Variants in TOX observed in about 807,000 individuals in gnomAD.
The protein encoded by TOX is thymocyte selection associated high mobility group box.
A neutral mutation model predicts 53.7 loss-of-function variants in TOX; 11 were observed. That is an observed-to-expected ratio of 0.20 (90% CI 0.13 to 0.34). The LOEUF (loss-of-function observed/expected upper bound fraction) is 0.34. Among genes scored for constraint, TOX ranks in the 10% least tolerant of loss-of-function variants. The pLI, the probability that TOX is intolerant of heterozygous loss-of-function variation, is 1.00. For synonymous variants in TOX, 225 were observed against 245.3 expected, an observed-to-expected ratio of 0.92 and a Z score of 0.77; for missense variants, 570 against 664.6, an observed-to-expected ratio of 0.86 and a Z score of 1.56.
intron 1 of TOX, among the ~76,000 whole-genome samples, chr8:59,070,863 G>C (rs899628026): frequency 6.6e-6 from 1 of 152,210 alleles, no homozygotes; most frequent in Non-Finnish European, 1.5e-5. Context: ...AGGGGAATGA[G>C]AGGTGGCTGA....
At chr8:58,896,157 C>T (rs563507927) in intron 3 of TOX, among the ~76,000 whole-genome samples, 7 of 152,266 alleles carry the variant, frequency 4.6e-5, no homozygotes, top group African/African-American at 1.7e-4. Flanking sequence ...GGGATAAAAT[C>T]TTCCAGTCCT....
intron 1 of TOX, among the ~76,000 whole-genome samples, chr8:58,998,622 T>TAAATTTATGTAATAAATTTATATAAA (rs1563413723): frequency 4.4e-4 from 6 of 13,722 alleles, no homozygotes; most frequent in African/African-American, 9.2e-4. Context: ...ATTTATATAA[T>TAAATTTATGTAATAAATTTATATAAA]AATATATTTT....
chr8:58,879,071 A>C, intron 3 of TOX, among the ~76,000 whole-genome samples: 1 of 151,750 alleles, frequency 6.6e-6, no homozygotes, highest in East Asian at 1.9e-4. Flanking sequence ...AAAAAAAAAA[A>C]AACAAAAAAA....
At chr8:59,114,833 T>C (rs407261) in intron 1 of TOX, among the ~76,000 whole-genome samples, 22,795 of 152,162 alleles carry the variant, frequency 0.15, 2,250 homozygotes, top group African/African-American at 0.28. Flanking sequence ...CATTAAAGTA[T>C]AATACATAAT....
chr8:58,887,261 G>A (rs11779544), intron 3 of TOX, among the ~76,000 whole-genome samples: 14,781 of 151,726 alleles, frequency 0.097, 1,090 homozygotes, highest in African/African-American at 0.2. Context: ...CTGTTCTTTA[G>A]TTTTATTTTT....
At chr8:59,056,757 C>A (rs917985619) in intron 1 of TOX, among the ~76,000 whole-genome samples, 16 of 152,198 alleles carry the variant, frequency 1.1e-4, no homozygotes, top group Non-Finnish European at 2.1e-4. Context: ...AAAAAACCAA[C>A]TGTGCATGCT....
chr8:59,009,459 G>A (rs1400204071), intron 1 of TOX, among the ~76,000 whole-genome samples: 5 of 151,614 alleles, frequency 3.3e-5, no homozygotes, highest in African/African-American at 7.3e-5. Context: ...TGCAACCTCC[G>A]CCTCCCGGGT....
intron 3 of TOX, among the ~76,000 whole-genome samples, chr8:58,910,046 A>G (rs190635571): frequency 2.0e-3 from 306 of 152,276 alleles, no homozygotes; most frequent in African/African-American, 6.8e-3. Context: ...GGAGGTGGGG[A>G]AAATTGACCC....
chr8:59,055,232 G>C (rs1452076504), intron 1 of TOX, among the ~76,000 whole-genome samples: 1 of 152,100 alleles, frequency 6.6e-6, no homozygotes, highest in Non-Finnish European at 1.5e-5. Context: ...AGGCCCCAGG[G>C]GACAAGCACT....
intron 2 of TOX, among the ~76,000 whole-genome samples, chr8:58,946,017 T>C (rs894641116): frequency 6.6e-6 from 1 of 152,164 alleles, no homozygotes; most frequent in Non-Finnish European, 1.5e-5. Flanking sequence ...CAATCATGCA[T>C]ACACTAAAAA....
intron 1 of TOX, among the ~76,000 whole-genome samples, chr8:59,007,761 T>G (rs541170348): frequency 1.9e-4 from 29 of 152,346 alleles, no homozygotes; most frequent in African/African-American, 7.0e-4. Context: ...TTATATCATA[T>G]GCTGGTGTTA....
At chr8:58,812,837 G>A (rs1179315582) in intron 7 of TOX, among the ~76,000 whole-genome samples, 1 of 152,218 alleles carries the variant, frequency 6.6e-6, no homozygotes, top group African/African-American at 2.4e-5. Context: ...CCAAGGAATT[G>A]AAATTGAAAT....
intron 1 of TOX, among the ~76,000 whole-genome samples, chr8:58,973,225 G>A (rs534682104): frequency 1.3e-5 from 2 of 152,208 alleles, no homozygotes; most frequent in Admixed American, 1.3e-4. Context: ...AATATGCCAC[G>A]TCTAATATTT....
chr8:58,851,145 CCTCTCTCTCTCTGTCTCT>C lies in TOX; in HGVS notation c.693+361_693+378del, dbSNP rs1396084646. ...CATGTAACATCATCACCATACATCT[CCTCTCTCTCTCTGTCTCT>C]CTCTCTCTCTCTCTCTCTCTCTCAC... On this transcript the variant is annotated intron_variant, in intron 4 of 8. Transcript: ENST00000361421. The surrounding 1 kb of genome is among the most constrained non-coding windows in gnomAD (Gnocchi z 4.4). 1.7e-5 allele frequency among the ~76,000 whole-genome samples: 2 copies of C among 118,244 alleles called. No individual in the cohort carries two copies. Among genetic ancestry groups the C allele is most frequent in the Non-Finnish European group, 3.7e-5 (2 of 53,824 alleles). The allele number at this position is 118,244 out of a possible 152,430, so 77.6% of individuals were successfully genotyped here. A position where few individuals can be genotyped will look rare whatever the true frequency, so the allele number is the denominator to read the frequency against.
intron 1 of TOX, among the ~76,000 whole-genome samples, chr8:59,063,018 G>A (rs1476184407): frequency 6.6e-6 from 1 of 151,948 alleles, no homozygotes; most frequent in Admixed American, 6.6e-5. Flanking sequence ...TTTTTTTATT[G>A]CCTATGTTTT....
intron 1 of TOX, among the ~76,000 whole-genome samples, chr8:59,095,342 C>T (rs1054583760): frequency 6.6e-6 from 1 of 152,148 alleles, no homozygotes. Context: ...TCTCAGGAAG[C>T]TTTCTTGTCA....
intron 3 of TOX, among the ~76,000 whole-genome samples, chr8:58,938,029 T>G (rs906395499): frequency 6.6e-6 from 1 of 150,596 alleles, no homozygotes; most frequent in African/African-American, 2.5e-5. Context: ...ACAAGTGGAA[T>G]ATAATCTAAA....
chr8:59,052,568 T>C (rs1563430883), intron 1 of TOX, among the ~76,000 whole-genome samples: 1 of 152,232 alleles, frequency 6.6e-6, no homozygotes, highest in East Asian at 1.9e-4. Flanking sequence ...ACCAGAAAGC[T>C]ACAAGGTGCT....
intron 1 of TOX, among the ~76,000 whole-genome samples, chr8:59,044,184 G>T (rs1585983486): frequency 7.0e-6 from 1 of 143,226 alleles, no homozygotes; most frequent in Non-Finnish European, 1.5e-5. Flanking sequence ...ATCCTTAAAG[G>T]CTTCAGAAGG....
Sources: allele counts gnomAD v4.1 joint callset (sites outside exome capture counted in the v4.1 genomes callset), GRCh38; gene constraint gnomAD v4.1.1; non-coding constraint Gnocchi (gnomAD v3.1); transcripts MANE v1.5; gene names NCBI Gene and HGNC (gene_info 2026-07-23, HGNC 2026-07-21).